The following LRCH3 variants were observed in gnomAD, a reference collection of about 807,000 sequenced individuals.
The protein encoded by LRCH3 is leucine rich repeats and calponin homology domain containing 3.
A neutral mutation model predicts 104.5 loss-of-function variants in LRCH3; 68 were observed. That is an observed-to-expected ratio of 0.65 (90% CI 0.54 to 0.80). The LOEUF (loss-of-function observed/expected upper bound fraction) is 0.80, where lower values mean the gene tolerates loss of function less well. Ranked by LOEUF, LRCH3 falls within the 30% of genes least tolerant of loss-of-function variation. The pLI is 0.00. For synonymous variants in LRCH3, 344 were observed against 361.3 expected, an observed-to-expected ratio of 0.95 and a Z score of 0.54; for missense variants, 951 against 953.9, an observed-to-expected ratio of 1.00 and a Z score of 0.04.
intron 20 of LRCH3, chr3:197,881,088 C>T: frequency 9.4e-7 from 1 of 1,068,074 alleles, no homozygotes; most frequent in Non-Finnish European, 1.1e-6. Context: ...TCCCATCTGG[C>T]CATTTTTCCG....
chr3:197,879,391 A>C lies in LRCH3; in HGVS notation c.2208+3616A>C, dbSNP rs370373828. ...GCCGGGCGCGGTGGCTCACGCCTGT[A>C]ATCCCAGCACTTTGGGAGGCCGAGG... is the stretch of plus-strand genomic sequence containing the variant. On this transcript the variant is annotated intron_variant, in intron 20 of 20. Transcript: ENST00000425562. Among the ~76,000 whole-genome samples the C allele has an allele frequency of 8.5e-5, 13 of 152,250 alleles. 1 individual carries two copies. Among genetic ancestry groups the C allele is most frequent in the Middle Eastern group, 3.4e-3 (1 of 294 alleles).
intron 6 of LRCH3, 130 bp from the exon 7 acceptor site, chr3:197,830,635 AAAATT>A: frequency 7.8e-6 from 5 of 639,776 alleles, no homozygotes; most frequent in Non-Finnish European, 1.4e-5. Flanking sequence ...TTCATATTAA[AAAATT>A]AAAGCCCATT....
chr3:197,839,051 G>T (rs1486426468), intron 9 of LRCH3, among the ~76,000 whole-genome samples: 9 of 152,118 alleles, frequency 5.9e-5, no homozygotes, highest in Admixed American at 5.9e-4. Flanking sequence ...ATATTACTGT[G>T]CTTGGTCACT....
Position 197,871,313 on chromosome 3 carries a change from T to C in LRCH3, c.1993-12T>C, listed in dbSNP as rs1260588085. 5.0e-6 allele frequency: 8 copies of C among 1,602,822 alleles called. No homozygotes were observed. The highest frequency in any genetic ancestry group is 6.8e-6 in the Non-Finnish European group (8 of 1,170,320). ...CTTCAATTAATCTATTACATGTTTT[T>C]TGTTCTTTCAGCATATTGAGTACCG... On this transcript the variant is annotated splice_polypyrimidine_tract_variant and intron_variant, in intron 18 of 20. Coordinates refer to ENST00000425562, the MANE Select transcript of LRCH3 (RefSeq NM_001365715.1).
At chr3:197,829,739 T>A in intron 6 of LRCH3, 66 bp downstream of exon 6, 2 of 1,091,344 alleles carry the variant, frequency 1.8e-6, no homozygotes, top group Non-Finnish European at 2.7e-6. Context: ...AATGGATACT[T>A]AAATTTGCCT....
chr3:197,801,982 C>T (rs1439874426), intron 1 of LRCH3, among the ~76,000 whole-genome samples: 1 of 152,168 alleles, frequency 6.6e-6, no homozygotes, highest in Non-Finnish European at 1.5e-5. Context: ...CCTCAGGCCA[C>T]TCTCAGGTCC....
At chr3:197,882,766 A>G (rs1713895052) in intron 20 of LRCH3, 1 of 985,308 alleles carries the variant, frequency 1.0e-6, no homozygotes, top group Non-Finnish European at 1.2e-6. Context: ...TAACTTCCTC[A>G]AGCAAACAGT....
At position 197,883,078 on chromosome 3, in the gene LRCH3, T is replaced by TTATGTTTTCAAAC; in HGVS notation, c.2209-459_2209-447dup. On this transcript the variant is annotated intron_variant, in intron 20 of 20. Coordinates refer to ENST00000425562, the MANE Select transcript of LRCH3 (RefSeq NM_001365715.1). This position sits in a 1 kb window ranked among gnomAD's most constrained non-coding sequence, Gnocchi z 4.2. ...TAGCGTAGAACTCATGCAGGCTGAG[T>TTATGTTTTCAAAC]TATGTTTTCAAACTATCTTTCATTC... is the stretch of plus-strand genomic sequence containing the variant. The TTATGTTTTCAAAC allele has an allele frequency of 1.0e-6, 1 of 985,954 alleles. No homozygotes were observed. Among genetic ancestry groups the TTATGTTTTCAAAC allele is most frequent in the Non-Finnish European group, 1.2e-6 (1 of 830,360 alleles). 61.1% of individuals were successfully genotyped at this position (985,954 alleles called of 1,614,324 possible). A position where few individuals can be genotyped will look rare whatever the true frequency, so the allele number is the denominator to read the frequency against.
At chr3:197,829,276 G>A (rs1338478462) in intron 5 of LRCH3, among the ~76,000 whole-genome samples, 1 of 152,158 alleles carries the variant, frequency 6.6e-6, no homozygotes, top group African/African-American at 2.4e-5. Flanking sequence ...ATGCAAACTA[G>A]TCAGTGTGAT....
rs1423757644 is a variant in LRCH3 at position 197,810,105 on chromosome 3, A to G, written c.263-4803A>G. 6.6e-6 allele frequency among the ~76,000 whole-genome samples: 1 copy of G among 151,986 alleles called. No individual in the cohort carries two copies. Among genetic ancestry groups the G allele is most frequent in the Non-Finnish European group, 1.5e-5 (1 of 67,990 alleles). ...GATATTTGGGTGGAATAGAGCAGTT[A>G]TTATCTAAAAGTTTTCTGTCTTGCT... On this transcript the variant is annotated intron_variant, in intron 1 of 20. Transcript: ENST00000425562. This position sits in a 1 kb window ranked among gnomAD's most constrained non-coding sequence, Gnocchi z 4.0.
intron 1 of LRCH3, among the ~76,000 whole-genome samples, chr3:197,804,513 C>G (rs535027749): frequency 6.6e-6 from 1 of 152,150 alleles, no homozygotes; most frequent in Non-Finnish European, 1.5e-5. Flanking sequence ...TGCAGAAATC[C>G]CATCGTGTAT....
At chr3:197,845,158 CAGCACTTTGAGAGGCTA>C (rs1738464882) in intron 10 of LRCH3, among the ~76,000 whole-genome samples, 2 of 152,092 alleles carry the variant, frequency 1.3e-5, no homozygotes, top group African/African-American at 4.8e-5. Flanking sequence ...CTTGTAATCC[CAGCACTTTGAGAGGCTA>C]AGGTGGGTGG....
At chr3:197,800,454 A>G (rs1471624807) in intron 1 of LRCH3, among the ~76,000 whole-genome samples, 2 of 152,216 alleles carry the variant, frequency 1.3e-5, no homozygotes, top group Admixed American at 1.3e-4. Context: ...TCAGTAATCA[A>G]GAGATTGAAA....
intron 3 of LRCH3, 44 bp from the exon 4 acceptor site, chr3:197,820,281 T>G: frequency 7.3e-7 from 1 of 1,377,454 alleles, no homozygotes; most frequent in Non-Finnish European, 1.0e-6. Context: ...GCAGACAAGT[T>G]TGTAATGTTA....
intron 1 of LRCH3, among the ~76,000 whole-genome samples, chr3:197,802,986 G>A (rs1283410804): frequency 6.6e-6 from 1 of 152,132 alleles, no homozygotes; most frequent in Non-Finnish European, 1.5e-5. Flanking sequence ...AAAAAGTCAA[G>A]CATTCAGAAC....
At chr3:197,792,345 A>G (rs538885) in intron 1 of LRCH3, among the ~76,000 whole-genome samples, 111,249 of 150,248 alleles carry the variant, frequency 0.74, 43,263 homozygotes, top group East Asian at 0.94. Context: ...TTAAAGCATT[A>G]CTTCGTGTTA....
At chr3:197,814,152 G>C (rs1733542085) in intron 1 of LRCH3, among the ~76,000 whole-genome samples, 1 of 152,204 alleles carries the variant, frequency 6.6e-6, no homozygotes, top group Admixed American at 6.5e-5. Context: ...AGGTTTAATG[G>C]AACTTAAAAG....
At chr3:197,878,246 G>A (rs559205297) in intron 20 of LRCH3, among the ~76,000 whole-genome samples, 36 of 152,166 alleles carry the variant, frequency 2.4e-4, no homozygotes, top group Non-Finnish European at 4.4e-4. Flanking sequence ...CGGGGCTTTC[G>A]GAAGCATCCT....
chr3:197,837,413 G>T (rs541106894), intron 9 of LRCH3, among the ~76,000 whole-genome samples: 3 of 152,038 alleles, frequency 2.0e-5, no homozygotes, highest in Non-Finnish European at 4.4e-5. Context: ...TGCCTGTTAC[G>T]TATGGTAGTC....
Sources: allele counts gnomAD v4.1 joint callset (sites outside exome capture counted in the v4.1 genomes callset), GRCh38; gene constraint gnomAD v4.1.1; non-coding constraint Gnocchi (gnomAD v3.1); transcripts MANE v1.5; gene names NCBI Gene and HGNC (gene_info 2026-07-23, HGNC 2026-07-21).